Variants in TTYH3 observed in about 807,000 individuals in gnomAD.
The protein encoded by TTYH3 is tweety family member 3, also known as protein tweety homolog 3.
A neutral mutation model predicts 68.2 loss-of-function variants in TTYH3; 23 were observed. The ratio of observed to expected loss-of-function variants is 0.34; its 90% confidence interval spans 0.24 to 0.48. TTYH3 has a LOEUF of 0.48. Ranked by LOEUF, TTYH3 falls within the 20% of genes least tolerant of loss-of-function variation. TTYH3 has a pLI of 0.99. For synonymous variants in TTYH3, 360 were observed against 332.8 expected, an observed-to-expected ratio of 1.08 and a Z score of -0.89; for missense variants, 768 against 727.7, an observed-to-expected ratio of 1.06 and a Z score of -0.64.
intron 1 of TTYH3, among the ~76,000 whole-genome samples, chr7:2,635,344 C>T (rs951890406): frequency 1.3e-5 from 2 of 152,210 alleles, no homozygotes; most frequent in African/African-American, 2.4e-5. Flanking sequence ...CTTCTTCCTG[C>T]GTGACCTTGG....
At position 2,645,593 on chromosome 7, in the gene TTYH3, G is replaced by A; in HGVS notation, c.124-1260G>A. 2.8e-6 allele frequency: 1 copy of A among 355,488 alleles called. No individual in the cohort carries two copies. The highest frequency in any genetic ancestry group is 5.7e-6 in the Non-Finnish European group (1 of 175,910). The allele number at this position is 355,488 out of a possible 1,614,324, so 22.0% of individuals were successfully genotyped here. A position where few individuals can be genotyped will look rare whatever the true frequency, so the allele number is the denominator to read the frequency against. ...AAGGCCGTGCTTGGAGCCAGACAGG[G>A]CTGTGTGTCCGATGGGGCGCCTGTA... On this transcript the variant is annotated intron_variant, in intron 1 of 13. Coordinates refer to ENST00000258796, the MANE Select transcript of TTYH3 (RefSeq NM_025250.3). This position sits in a 1 kb window ranked among gnomAD's most constrained non-coding sequence, Gnocchi z 4.8.
intron 1 of TTYH3, among the ~76,000 whole-genome samples, chr7:2,640,252 C>T (rs889297213): frequency 5.3e-5 from 8 of 152,236 alleles, no homozygotes; most frequent in South Asian, 2.1e-4. Flanking sequence ...GTGAGCACCC[C>T]CCAGTGGGCC....
chr7:2,655,886 G>A (rs757530621), intron 9 of TTYH3, among the ~76,000 whole-genome samples: 1 of 152,290 alleles, frequency 6.6e-6, no homozygotes, highest in East Asian at 1.9e-4. Context: ...TAGACCCCAC[G>A]GGTCTGAGGA....
chr7:2,652,231 C>T lies in TTYH3; in HGVS notation c.916C>T (p.Pro306Ser). The change falls in exon 8 of 14, where the codon CCC becomes TCC. Residue 306 changes from proline (P) to serine (S), a missense_variant. By Grantham distance (74) the Pro-to-Ser change is moderately conservative (BLOSUM62 -1). Coordinates refer to ENST00000258796, the MANE Select transcript of TTYH3 (RefSeq NM_025250.3). The stretch of plus-strand genomic sequence containing the variant: ...GGCCTGCTCGCCCCGCGCCGCCAAC[C>T]CCTTCCAGCAGGTGAGAGCCTGGGA... ...YLACSPRAAN[P>S]FQQKLSGSHK... is the part of the protein sequence containing the mutation. 2.5e-6 allele frequency: 4 copies of T among 1,612,682 alleles called. No individual in the cohort carries two copies. The highest frequency in any genetic ancestry group is 3.4e-6 in the Non-Finnish European group (4 of 1,180,006).
chr7:2,648,297 C>A, intron 5 of TTYH3: 2 of 501,512 alleles, frequency 4.0e-6, no homozygotes, highest in Non-Finnish European at 7.1e-6. Flanking sequence ...AGAGTCTGCA[C>A]GTGGGGCACT....
At chr7:2,635,049 CG>C (rs1343249440) in intron 1 of TTYH3, among the ~76,000 whole-genome samples, 1 of 152,124 alleles carries the variant, frequency 6.6e-6, no homozygotes, top group Non-Finnish European at 1.5e-5. Context: ...CAGTGACTGT[CG>C]AGAGGGGCTC....
chr7:2,636,024 C>T (rs1462218381), intron 1 of TTYH3, among the ~76,000 whole-genome samples: 2 of 152,246 alleles, frequency 1.3e-5, no homozygotes, highest in African/African-American at 4.8e-5. Flanking sequence ...GGTGAGCCCT[C>T]TGTTCCAGGC....
chr7:2,643,127 G>T (rs777164990), intron 1 of TTYH3, among the ~76,000 whole-genome samples: 11 of 151,798 alleles, frequency 7.2e-5, no homozygotes, highest in Non-Finnish European at 1.3e-4. Flanking sequence ...AGGCCGAGGC[G>T]GGCAGATCAT....
intron 1 of TTYH3, among the ~76,000 whole-genome samples, chr7:2,643,279 C>T (rs1178983307): frequency 1.0e-3 from 152 of 145,022 alleles, no homozygotes; most frequent in Non-Finnish European, 1.7e-3. Context: ...GGCGTGAACC[C>T]GGGAGGCGGA....
At chr7:2,643,856 C>T (rs1785916324) in intron 1 of TTYH3, among the ~76,000 whole-genome samples, 1 of 152,188 alleles carries the variant, frequency 6.6e-6, no homozygotes, top group African/African-American at 2.4e-5. Context: ...TTGACCTGCT[C>T]TTCCAGTCCC....
rs191220317 is a variant in TTYH3, at chr7:2,655,967, G to C, written c.1021-125G>C. The C allele has an allele frequency of 2.7e-4, 195 of 724,682 alleles. 2 individuals carry two copies. The highest frequency in any genetic ancestry group is 4.2e-4 in the Non-Finnish European group (186 of 443,508). 44.9% of individuals were successfully genotyped at this position (724,682 alleles called of 1,614,324 possible). Reference sequence around the variant, plus strand: ...AGGACCTGCACTGAGACCCCAGGGTGGGGGGTATCTCAGTCGAAGATTATG... The same window carrying C: ...AGGACCTGCACTGAGACCCCAGGGTCGGGGGTATCTCAGTCGAAGATTATG... On this transcript the variant is annotated intron_variant, in intron 9 of 13. Coordinates refer to ENST00000258796, the MANE Select transcript of TTYH3 (RefSeq NM_025250.3).
chr7:2,648,221 G>A lies in TTYH3; in HGVS notation c.722+167G>A, dbSNP rs563651723. 9.6e-6 allele frequency: 6 copies of A among 627,230 alleles called. No homozygotes were observed. In the Admixed American group the frequency reaches 1.8e-4, roughly 19 times the overall value. 38.9% of individuals were successfully genotyped at this position (627,230 alleles called of 1,614,324 possible). A position where few individuals can be genotyped will look rare whatever the true frequency, so the allele number is the denominator to read the frequency against. On this transcript the variant is annotated intron_variant, in intron 5 of 13. Coordinates refer to ENST00000258796, the MANE Select transcript of TTYH3 (RefSeq NM_025250.3). The stretch of plus-strand genomic sequence containing the variant: ...GCCTGCTCTGAGATGCCCCTTCTGT[G>A]CCTGTGGCCTGTGCCCCTGTGGCCA...
At position 2,645,612 on chromosome 7, in the gene TTYH3, G is replaced by A. The variant is rs1434675997; in HGVS notation, c.124-1241G>A. 1.1e-5 allele frequency: 4 copies of A among 357,364 alleles called. No individual in the cohort carries two copies. The highest frequency in any genetic ancestry group is 2.1e-5 in the South Asian group (1 of 47,232). 22.1% of individuals were successfully genotyped at this position (357,364 alleles called of 1,614,324 possible). On this transcript the variant is annotated intron_variant, in intron 1 of 13. Coordinates refer to ENST00000258796, the MANE Select transcript of TTYH3 (RefSeq NM_025250.3). The surrounding 1 kb of genome is among the most constrained non-coding windows in gnomAD (Gnocchi z 4.8). The stretch of plus-strand genomic sequence containing the variant: ...GACAGGGCTGTGTGTCCGATGGGGC[G>A]CCTGTATGCAGCCTGTAGCAGTGTG...
chr7:2,664,018 T>C lies in TTYH3; in HGVS notation c.*2279T>C, dbSNP rs3801075. 0.28 allele frequency: 42,258 copies of C among 152,436 alleles called. 8,011 individuals are homozygous for C. The highest frequency in any genetic ancestry group is 0.55 in the African/African-American group (22,717 of 41,528). The allele number at this position is 152,436 out of a possible 1,614,324, so 9.4% of individuals were successfully genotyped here. A position where few individuals can be genotyped will look rare whatever the true frequency, so the allele number is the denominator to read the frequency against. On this transcript the variant is annotated 3_prime_UTR_variant, in exon 14 of 14. Transcript: ENST00000258796. ...CACACCTACTGGGGCATCTGGCTGGTGCCTGCTGCCATGGCCAGCCCCCAC... is the reference window on the plus strand; with the variant it reads ...CACACCTACTGGGGCATCTGGCTGGCGCCTGCTGCCATGGCCAGCCCCCAC...
intron 5 of TTYH3, 68 bp downstream of exon 5, chr7:2,648,122 C>G: frequency 7.0e-7 from 1 of 1,425,680 alleles, no homozygotes; most frequent in Non-Finnish European, 9.6e-7. Flanking sequence ...CCATGTTACC[C>G]CTTCCCCCAC....
In TTYH3 at chr7:2,647,471, C is replaced by A; in HGVS notation, c.459C>A (p.Thr153=). The change falls in exon 4 of 14, where the codon ACC becomes ACA. Residue 153 remains threonine, a synonymous_variant. Coordinates refer to ENST00000258796, the MANE Select transcript of TTYH3 (RefSeq NM_025250.3). ...ACACGGCGGAGCCCAGCCTGCAGAC[C>A]CTGGAGCGGCAGCTGGCCGGGCGGC... ...LNHTAEPSLQ[T]LERQLAGRPE... 6.5e-7 allele frequency: 1 copy of A among 1,534,656 alleles called. No individual in the cohort carries two copies. The highest frequency in any genetic ancestry group is 8.7e-7 in the Non-Finnish European group (1 of 1,144,344).
At chr7:2,642,857 G>C (rs1279169129) in intron 1 of TTYH3, among the ~76,000 whole-genome samples, 1 of 149,302 alleles carries the variant, frequency 6.7e-6, no homozygotes, top group Non-Finnish European at 1.5e-5. Flanking sequence ...GAGGTCAGGA[G>C]TTTGAGACCA....
chr7:2,652,515 G>T (rs1000028901), intron 8 of TTYH3, among the ~76,000 whole-genome samples: 1 of 152,218 alleles, frequency 6.6e-6, no homozygotes, highest in Admixed American at 6.5e-5. Context: ...TGGCCTTGGT[G>T]GGGGAAGGAG....
intron 1 of TTYH3, among the ~76,000 whole-genome samples, chr7:2,641,780 A>G (rs1236909132): frequency 1.3e-5 from 2 of 152,226 alleles, no homozygotes; most frequent in African/African-American, 2.4e-5. Flanking sequence ...AAGTGGGTGC[A>G]GAGGCCAGGC....
Sources: gnomAD v4.1 joint callset for allele counts (sites outside exome capture counted in the v4.1 genomes callset) on GRCh38, gnomAD v4.1.1 for gene constraint, Gnocchi (gnomAD v3.1) non-coding constraint, MANE v1.5 for transcripts, NCBI Gene and HGNC (gene_info 2026-07-23, HGNC 2026-07-21) for gene names.